The following CAGE1 variants were observed in gnomAD, a reference collection of about 807,000 sequenced individuals.
The protein encoded by CAGE1 is cancer-associated gene 1 protein.
CAGE1 carries 66 observed loss-of-function variants against 94.9 expected under a neutral mutation model. The ratio of observed to expected loss-of-function variants is 0.70; its 90% confidence interval spans 0.57 to 0.85. The LOEUF (loss-of-function observed/expected upper bound fraction) is 0.85, where lower values mean the gene tolerates loss of function less well. Among genes scored for constraint, CAGE1 ranks in the 40% least tolerant of loss-of-function variants. CAGE1 has a pLI of 0.00. For synonymous variants in CAGE1, 319 were observed against 321.0 expected, an observed-to-expected ratio of 0.99 and a Z score of 0.07; for missense variants, 865 against 950.4, an observed-to-expected ratio of 0.91 and a Z score of 1.18.
intron 9 of CAGE1, among the ~76,000 whole-genome samples, chr6:7,358,744 C>T (rs1313258834): frequency 6.6e-6 from 1 of 152,122 alleles, no homozygotes; most frequent in African/African-American, 2.4e-5. Flanking sequence ...ATTCTGGAGG[C>T]TGAGGTGGGA....
At chr6:7,345,555 C>A (rs1378396109) in intron 11 of CAGE1, among the ~76,000 whole-genome samples, 1 of 152,344 alleles carries the variant, frequency 6.6e-6, no homozygotes, top group Non-Finnish European at 1.5e-5. Flanking sequence ...AAGTAGTTTT[C>A]TTTCAGCCTT....
At chr6:7,351,517 C>T (rs990701213) in intron 11 of CAGE1, among the ~76,000 whole-genome samples, 3 of 96,314 alleles carry the variant, frequency 3.1e-5, no homozygotes, top group Admixed American at 1.1e-4. Flanking sequence ...TACCCTAAAA[C>T]TTAAAGTATA....
intron 1 of CAGE1, among the ~76,000 whole-genome samples, chr6:7,388,207 A>C (rs530461580): frequency 1.3e-5 from 2 of 152,024 alleles, no homozygotes; most frequent in Non-Finnish European, 2.9e-5. Context: ...CTTCCAGGCC[A>C]TCCATAGCCT....
intron 3 of CAGE1, among the ~76,000 whole-genome samples, chr6:7,381,940 C>T (rs772462627): frequency 6.7e-6 from 1 of 150,216 alleles, no homozygotes; most frequent in Non-Finnish European, 1.5e-5. Context: ...CCTGGGTTCA[C>T]GCCATTCTCC....
Position 7,365,895 on chromosome 6 carries a change from G to A in CAGE1, c.2005-11C>T, listed in dbSNP as rs1365623202. On this transcript the variant is annotated splice_polypyrimidine_tract_variant and intron_variant, in intron 7 of 13. Coordinates refer to ENST00000502583, the MANE Select transcript of CAGE1 (RefSeq NM_001170692.2). ...TTTATGTTTCAGTAGCTAAGAAAAG[G>A]AAAACATTCTGTATTTTAGAGAGAA... 27 of 1,397,678 alleles carry A rather than the reference G, an allele frequency of 1.9e-5. No individual in the cohort carries two copies. The highest frequency in any genetic ancestry group is 2.5e-5 in the Non-Finnish European group (26 of 1,024,360). The allele number at this position is 1,397,678 out of a possible 1,614,324, so 86.6% of individuals were successfully genotyped here.
intron 3 of CAGE1, among the ~76,000 whole-genome samples, chr6:7,384,165 C>A (rs1010572476): frequency 6.6e-6 from 1 of 152,122 alleles, no homozygotes; most frequent in African/African-American, 2.4e-5. Context: ...GCAAGCTCCA[C>A]CCCCTGGGTT....
At chr6:7,372,365 G>A (rs975607890) in intron 5 of CAGE1, among the ~76,000 whole-genome samples, 4 of 151,770 alleles carry the variant, frequency 2.6e-5, no homozygotes, top group East Asian at 1.9e-4. Flanking sequence ...CAGTTACTCC[G>A]GAGGCTGAGG....
chr6:7,345,700 G>A (rs1252510713), intron 11 of CAGE1, among the ~76,000 whole-genome samples: 1 of 152,004 alleles, frequency 6.6e-6, no homozygotes, highest in East Asian at 1.9e-4. Flanking sequence ...GGCTGAGGCG[G>A]GCAGATCATG....
intron 11 of CAGE1, chr6:7,347,515 T>TGGGGGGGGGGGGGGG (rs1561853738): frequency 1.3e-4 from 2 of 15,350 alleles, no homozygotes; most frequent in Admixed American, 6.1e-4. Flanking sequence ...GGGGGGGGGG[T>TGGGGGGGGGGGGGGG]TGGGGGGGGC....
rs773290991 is a variant in CAGE1, at chr6:7,355,157, T to C, written c.2299-46A>G. 4.3e-6 allele frequency: 6 copies of C among 1,403,936 alleles called. No individual in the cohort carries two copies. The African/African-American group carries it at 7.2e-5, about 17-fold the overall frequency. The allele number at this position is 1,403,936 out of a possible 1,614,324, so 87.0% of individuals were successfully genotyped here. ...CCAATTATTTTTCATTCTAGAATTT[T>C]TATTTTTTTCTTTTTTATGACTACA... On this transcript the variant is annotated intron_variant, in intron 10 of 13. Transcript: ENST00000502583.
At chr6:7,377,998 AGAAAT>A (rs1481953153) in intron 4 of CAGE1, among the ~76,000 whole-genome samples, 5 of 152,330 alleles carry the variant, frequency 3.3e-5, no homozygotes, top group Admixed American at 2.6e-4. Context: ...AATATGACAG[AGAAAT>A]CTTGTTTTTC....
chr6:7,354,917 G>T, intron 11 of CAGE1, 124 bp downstream of exon 11: 2 of 641,732 alleles, frequency 3.1e-6, no homozygotes, highest in African/African-American at 1.8e-5. Context: ...AATAAAGAAT[G>T]AACTTAATTA....
chr6:7,344,382 A>G (rs1388071887), intron 11 of CAGE1, among the ~76,000 whole-genome samples: 1 of 152,194 alleles, frequency 6.6e-6, no homozygotes, highest in African/African-American at 2.4e-5. Context: ...CAGAGGGTGT[A>G]CTGGGTCCCC....
intron 11 of CAGE1, among the ~76,000 whole-genome samples, chr6:7,337,627 C>T (rs1759008427): frequency 6.6e-6 from 1 of 152,074 alleles, no homozygotes. Context: ...ATCCTTTTTC[C>T]ACTTTGTTGC....
intron 11 of CAGE1, among the ~76,000 whole-genome samples, chr6:7,344,408 AC>A (rs1259067908): frequency 6.6e-6 from 1 of 152,216 alleles, no homozygotes; most frequent in Non-Finnish European, 1.5e-5. Context: ...GTGCCAGCCC[AC>A]CGGCGCTGTG....
chr6:7,375,573 C>A (rs926369707), intron 4 of CAGE1, among the ~76,000 whole-genome samples: 1 of 151,750 alleles, frequency 6.6e-6, no homozygotes, highest in African/African-American at 2.4e-5. Context: ...CCTATCTCTT[C>A]AAAAAAAATA....
At chr6:7,381,634 T>C (rs1338043775) in intron 3 of CAGE1, among the ~76,000 whole-genome samples, 1 of 150,636 alleles carries the variant, frequency 6.6e-6, no homozygotes, top group Non-Finnish European at 1.5e-5. Flanking sequence ...GTTCAAGCAA[T>C]TCTCATGCCT....
At chr6:7,345,127 CCATATTGCTTTTAGGAGCTAGG>C (rs1561851618) in intron 11 of CAGE1, among the ~76,000 whole-genome samples, 27 of 41,604 alleles carry the variant, frequency 6.5e-4, no homozygotes, top group African/African-American at 4.6e-3. Flanking sequence ...CTCTTTAGAT[CCATATTGCTTTTAGGAGCTAGG>C]TCCATATTGC....
At chr6:7,352,541 C>A (rs1254775668) in intron 11 of CAGE1, among the ~76,000 whole-genome samples, 1 of 152,008 alleles carries the variant, frequency 6.6e-6, no homozygotes, top group East Asian at 1.9e-4. Context: ...TTAGAAAAAA[C>A]AATTCTAAAA....
Sources: allele counts gnomAD v4.1 joint callset (sites outside exome capture counted in the v4.1 genomes callset), GRCh38; gene constraint gnomAD v4.1.1; transcripts MANE v1.5; gene names NCBI Gene and HGNC (gene_info 2026-07-23, HGNC 2026-07-21).